SYT16: variants seen among roughly 807,000 people sequenced by gnomAD.
The protein encoded by SYT16 is synaptotagmin 16.
Under a neutral mutation model 61.4 loss-of-function variants are expected in SYT16, and 42 were observed. The observed-to-expected ratio is 0.68, with a 90% confidence interval of 0.53 to 0.89. The LOEUF (loss-of-function observed/expected upper bound fraction) is 0.89. SYT16 is among the 40% of genes least tolerant of loss of function. The pLI is 0.00. For synonymous variants in SYT16, 314 were observed against 302.3 expected, an observed-to-expected ratio of 1.04 and a Z score of -0.40; for missense variants, 804 against 807.3, an observed-to-expected ratio of 1.00 and a Z score of 0.05.
At chr14:61,974,194 G>A (rs541957424) in intron 2 of SYT16, among the ~76,000 whole-genome samples, 18 of 152,266 alleles carry the variant, frequency 1.2e-4, no homozygotes, top group African/African-American at 2.6e-4. Context: ...TGGTGGGAGC[G>A]GGGGCAGAGA....
rs983797174 is a variant in SYT16 at position 62,081,399 on chromosome 14, C to G, written c.1434+125C>G. The G allele has an allele frequency of 1.1e-5, 12 of 1,078,096 alleles. No homozygotes were observed. In the African/African-American group the frequency reaches 1.4e-4, roughly 13 times the overall value. 66.8% of individuals were successfully genotyped at this position (1,078,096 alleles called of 1,614,324 possible). Reference sequence around the variant, plus strand: ...TTAATTTAATTTTCCATTTGGCTCTCCTCACCCTTGTAAGCCATGATTTGC... The same window carrying G: ...TTAATTTAATTTTCCATTTGGCTCTGCTCACCCTTGTAAGCCATGATTTGC... On this transcript the variant is annotated intron_variant, in intron 6 of 7. Transcript: ENST00000683842.
chr14:62,098,539 C>T (rs1056831320), intron 7 of SYT16, among the ~76,000 whole-genome samples: 10 of 152,162 alleles, frequency 6.6e-5, no homozygotes, highest in Admixed American at 5.9e-4. Context: ...TTCTGGCACT[C>T]TAGTGGAGGG....
intron 6 of SYT16, among the ~76,000 whole-genome samples, chr14:62,082,938 A>T (rs530996988): frequency 1.3e-5 from 2 of 152,218 alleles, no homozygotes; most frequent in African/African-American, 4.8e-5. Context: ...ATTTATACGG[A>T]TTCAGAATTT....
chr14:61,826,632 C>T (rs2045778931), intron 1 of SYT16, among the ~76,000 whole-genome samples: 1 of 151,950 alleles, frequency 6.6e-6, no homozygotes, highest in African/African-American at 2.4e-5. Context: ...TCATTCTTGC[C>T]ACGAGGGATG....
At chr14:61,906,161 T>G (rs2048702505) in intron 1 of SYT16, among the ~76,000 whole-genome samples, 1 of 152,218 alleles carries the variant, frequency 6.6e-6, no homozygotes, top group African/African-American at 2.4e-5. Flanking sequence ...CAGTAGGTTT[T>G]GATAGGGAAT....
intron 1 of SYT16, among the ~76,000 whole-genome samples, chr14:61,924,734 G>T (rs2140412784): frequency 6.6e-6 from 1 of 152,200 alleles, no homozygotes; most frequent in Middle Eastern, 3.4e-3. Context: ...ATGTAAAATG[G>T]CAATGATGAA....
At chr14:62,034,208 T>A (rs1002201478) in intron 3 of SYT16, among the ~76,000 whole-genome samples, 1 of 152,126 alleles carries the variant, frequency 6.6e-6, no homozygotes, top group Non-Finnish European at 1.5e-5. Context: ...ATAACAAGTG[T>A]TGGTGAGGAT....
At chr14:62,013,727 A>G (rs1471453690) in intron 3 of SYT16, among the ~76,000 whole-genome samples, 2 of 152,130 alleles carry the variant, frequency 1.3e-5, no homozygotes, top group Non-Finnish European at 2.9e-5. Context: ...GAACGTTGGG[A>G]GACCGAGGCA....
At chr14:61,975,091 G>A (rs955155241) in intron 2 of SYT16, among the ~76,000 whole-genome samples, 6 of 152,122 alleles carry the variant, frequency 3.9e-5, no homozygotes, top group South Asian at 2.1e-4. Context: ...TCAAGTACAC[G>A]TGCCCCTGCA....
intron 1 of SYT16, among the ~76,000 whole-genome samples, chr14:61,918,227 T>C (rs1195473006): frequency 6.6e-6 from 1 of 152,208 alleles, no homozygotes; most frequent in Non-Finnish European, 1.5e-5. Context: ...TTGTTCTGTT[T>C]TAAACAACTT....
intron 1 of SYT16, among the ~76,000 whole-genome samples, chr14:61,877,928 G>A (rs1217539141): frequency 6.6e-6 from 1 of 152,308 alleles, no homozygotes; most frequent in South Asian, 2.1e-4. Context: ...ACTAAGCAGG[G>A]TGATAAGAGC....
chr14:62,072,460 A>G (rs2056336185), intron 4 of SYT16, among the ~76,000 whole-genome samples: 1 of 152,178 alleles, frequency 6.6e-6, no homozygotes, highest in Admixed American at 6.5e-5. Flanking sequence ...GGTAACAGAA[A>G]TACACAGCCC....
intron 3 of SYT16, among the ~76,000 whole-genome samples, chr14:62,040,385 C>G (rs1306047054): frequency 6.6e-6 from 1 of 152,094 alleles, no homozygotes; most frequent in Non-Finnish European, 1.5e-5. Context: ...TGGGACATTT[C>G]AAAAAGAGGT....
At chr14:61,999,901 T>C (rs1217237500) in intron 3 of SYT16, among the ~76,000 whole-genome samples, 2 of 151,796 alleles carry the variant, frequency 1.3e-5, no homozygotes, top group Non-Finnish European at 2.9e-5. Context: ...TATTCCATTA[T>C]GGCTTGAGCA....
At chr14:62,078,221 A>G (rs1314577986) in intron 5 of SYT16, among the ~76,000 whole-genome samples, 3 of 146,548 alleles carry the variant, frequency 2.0e-5, no homozygotes, top group Non-Finnish European at 4.5e-5. Context: ...AGAAATAGTT[A>G]TGCCTAAAGG....
At chr14:62,035,220 C>G (rs558288473) in intron 3 of SYT16, among the ~76,000 whole-genome samples, 2 of 152,178 alleles carry the variant, frequency 1.3e-5, no homozygotes, top group African/African-American at 4.8e-5. Flanking sequence ...TGGATCATGA[C>G]CAGTTTTAGC....
At chr14:61,859,864 G>C (rs867672525) in intron 1 of SYT16, among the ~76,000 whole-genome samples, 7 of 152,114 alleles carry the variant, frequency 4.6e-5, no homozygotes, top group Admixed American at 2.6e-4. Flanking sequence ...CCATTTGAAG[G>C]CATCTTAAGG....
chr14:61,924,718 C>G (rs1209117839), intron 1 of SYT16, among the ~76,000 whole-genome samples: 2 of 152,078 alleles, frequency 1.3e-5, no homozygotes, highest in African/African-American at 4.8e-5. Flanking sequence ...TCCTCAGTTT[C>G]TTATTATGTA....
intron 7 of SYT16, among the ~76,000 whole-genome samples, chr14:62,091,742 T>C (rs2141002142): frequency 6.6e-6 from 1 of 152,250 alleles, no homozygotes; most frequent in Non-Finnish European, 1.5e-5. Context: ...CACCTAAAAC[T>C]ATAAAACTCT....
Sources: gnomAD v4.1 joint callset for allele counts (sites outside exome capture counted in the v4.1 genomes callset) on GRCh38, gnomAD v4.1.1 for gene constraint, MANE v1.5 for transcripts, NCBI Gene and HGNC (gene_info 2026-07-23, HGNC 2026-07-21) for gene names.